Variants in POLR2B observed in about 807,000 individuals in gnomAD.
The protein encoded by POLR2B is DNA-directed RNA polymerase II subunit RPB2.
In POLR2B, 57 loss-of-function variants were observed where a neutral mutation model predicts 144.6. That is an observed-to-expected ratio of 0.39 (90% CI 0.32 to 0.49). The LOEUF (loss-of-function observed/expected upper bound fraction) is 0.49, where lower values mean the gene tolerates loss of function less well. POLR2B is among the 20% of genes least tolerant of loss of function. POLR2B has a pLI of 0.83. For synonymous variants in POLR2B, 442 were observed against 469.8 expected (o/e 0.94, Z 0.77); for missense variants, 595 against 1,467.4 (o/e 0.41, Z 9.71).
intron 13 of POLR2B, 133 bp downstream of exon 13, chr4:57,011,233 T>A (rs1395625470): frequency 6.0e-6 from 4 of 665,068 alleles, no homozygotes; most frequent in South Asian, 1.9e-5. Context: ...TAAATTTAAT[T>A]ATAAGTTATT....
chr4:56,983,161 CTCT>C lies in POLR2B; in HGVS notation c.20-3188_20-3186del, dbSNP rs1378250706. Among the ~76,000 whole-genome samples the C allele has an allele frequency of 4.6e-5, 7 of 152,192 alleles. No individual in the cohort carries two copies. In the East Asian group the frequency reaches 1.3e-3, roughly 29 times the overall value. On this transcript the variant is annotated intron_variant, in intron 1 of 24. Coordinates refer to ENST00000314595, the MANE Select transcript of POLR2B (RefSeq NM_000938.3). Reference sequence around the variant, plus strand: ...CTCATATCTCTTGGTAAAGGCCAAACTCTTCTTATTCCACTTCCAACTTCACAA... The same window carrying C: ...CTCATATCTCTTGGTAAAGGCCAAACTCTTATTCCACTTCCAACTTCACAA...
chr4:57,008,390 G>C (rs191472710), intron 10 of POLR2B, among the ~76,000 whole-genome samples: 38 of 152,268 alleles, frequency 2.5e-4, no homozygotes, highest in Non-Finnish European at 4.3e-4. Context: ...TTTTAGTAGA[G>C]ACGGGGTTTT....
At chr4:57,004,883 C>T (rs1375503670) in intron 7 of POLR2B, among the ~76,000 whole-genome samples, 1 of 152,114 alleles carries the variant, frequency 6.6e-6, no homozygotes, top group Non-Finnish European at 1.5e-5. Context: ...GGGGGTTTCG[C>T]CATGTTGCCT....
At chr4:56,979,381 A>G (rs1004297755) in intron 1 of POLR2B, among the ~76,000 whole-genome samples, 3 of 124,752 alleles carry the variant, frequency 2.4e-5, no homozygotes, top group Non-Finnish European at 4.7e-5. Context: ...TCAATTGTTG[A>G]GTGTCAGCCT....
At chr4:57,020,780 T>G (rs1718831) in intron 16 of POLR2B, 119 bp from the exon 17 acceptor site, 259,004 of 726,862 alleles carry the variant, frequency 0.36, 47,283 homozygotes, top group South Asian at 0.45. Flanking sequence ...GCAGTTACCA[T>G]GATAACAAAC....
chr4:56,980,836 G>C (rs1382604188), intron 1 of POLR2B, among the ~76,000 whole-genome samples: 3 of 147,086 alleles, frequency 2.0e-5, no homozygotes, highest in African/African-American at 7.5e-5. Context: ...TGATGGTCTT[G>C]CTCTGTTGCC....
intron 1 of POLR2B, among the ~76,000 whole-genome samples, chr4:56,985,702 A>G (rs1283654115): frequency 6.6e-6 from 1 of 152,070 alleles, no homozygotes; most frequent in Non-Finnish European, 1.5e-5. Flanking sequence ...CCTACTTTTT[A>G]ATGACAGCTC....
rs538941111 is a variant in POLR2B, at chr4:56,978,916, C to T, written c.-70C>T. ...AAGTTACTTCGTCTTTAGCTCCTGG[C>T]GCTGCTGGCTTCTGGGCGGTTTTTG... On this transcript the variant is annotated 5_prime_UTR_variant, in exon 1 of 25. Transcript: ENST00000314595. 2.8e-6 allele frequency: 4 copies of T among 1,445,066 alleles called. No individual in the cohort carries two copies. Among genetic ancestry groups the T allele is most frequent in the Admixed American group, 3.3e-5 (2 of 59,796 alleles). 89.5% of individuals were successfully genotyped at this position (1,445,066 alleles called of 1,614,324 possible).
chr4:57,029,751 A>G (rs921920421), intron 23 of POLR2B, among the ~76,000 whole-genome samples: 10 of 152,096 alleles, frequency 6.6e-5, no homozygotes, highest in South Asian at 4.2e-4. Context: ...TTTAGTATAG[A>G]GTTGAATTCT....
At chr4:56,990,107 C>A (rs1722466990) in intron 2 of POLR2B, among the ~76,000 whole-genome samples, 1 of 152,202 alleles carries the variant, frequency 6.6e-6, no homozygotes, top group South Asian at 2.1e-4. Flanking sequence ...TCACTACCCT[C>A]CGTCCTATTC....
intron 18 of POLR2B, 81 bp downstream of exon 18, chr4:57,022,327 C>T (rs1469432707): frequency 5.0e-6 from 4 of 806,488 alleles, no homozygotes; most frequent in Non-Finnish European, 8.4e-6. Flanking sequence ...TGGGTTGTGT[C>T]ACCCTGTGCC....
intron 16 of POLR2B, among the ~76,000 whole-genome samples, chr4:57,020,537 C>T (rs1052919252): frequency 6.6e-6 from 1 of 152,096 alleles, no homozygotes; most frequent in Non-Finnish European, 1.5e-5. Context: ...TAATTCACTC[C>T]TCTGATTCAT....
At chr4:57,013,485 C>G (rs1230262932) in intron 13 of POLR2B, among the ~76,000 whole-genome samples, 1 of 152,164 alleles carries the variant, frequency 6.6e-6, no homozygotes, top group Non-Finnish European at 1.5e-5. Context: ...TCAAGCAGTC[C>G]TTCCTGCCTT....
At chr4:56,984,074 AG>A (rs1722241714) in intron 1 of POLR2B, among the ~76,000 whole-genome samples, 1 of 151,582 alleles carries the variant, frequency 6.6e-6, no homozygotes, top group South Asian at 2.1e-4. Context: ...CATGTTGGCC[AG>A]GCTGGTCTCG....
At position 57,030,996 on chromosome 4, in the gene POLR2B, A is replaced by G; in HGVS notation, c.*8A>G. On this transcript the variant is annotated 3_prime_UTR_variant, in exon 25 of 25. Coordinates refer to ENST00000314595, the MANE Select transcript of POLR2B (RefSeq NM_000938.3). ...CGAATGATGAGTGTTTAGCTATTTT[A>G]CAGGAGTCAACAAGATAATTAAATA... 6.8e-7 allele frequency: 1 copy of G among 1,471,752 alleles called. No individual in the cohort carries two copies. Among genetic ancestry groups the G allele is most frequent in the Non-Finnish European group, 9.5e-7 (1 of 1,050,272 alleles). 91.2% of individuals were successfully genotyped at this position (1,471,752 alleles called of 1,614,324 possible).
chr4:57,016,029 G>A (rs2109701330), intron 14 of POLR2B, among the ~76,000 whole-genome samples: 1 of 152,300 alleles, frequency 6.6e-6, no homozygotes, highest in South Asian at 2.1e-4. Flanking sequence ...AGAGTGCTGG[G>A]ATTACAGGCA....
rs1278691735 is a variant in POLR2B at position 57,006,858 on chromosome 4, G to A, written c.1260G>A (p.Gln420=). 4 of 1,613,702 alleles carry A rather than the reference G, an allele frequency of 2.5e-6. No individual in the cohort carries two copies. The highest frequency in any genetic ancestry group is 3.4e-6 in the Non-Finnish European group (4 of 1,179,664). The change falls in exon 10 of 25, where the codon CAG becomes CAA. Residue 420 remains glutamine (Q), a synonymous_variant. Coordinates refer to ENST00000314595, the MANE Select transcript of POLR2B (RefSeq NM_000938.3). ...TTAAAGAAGTGCGGATCTATGCACA[G>A]AAATTTATTGATCGAGGAAAGGATT... ...NLLKEVRIYA[Q]KFIDRGKDFN...
intron 14 of POLR2B, 58 bp from the exon 15 acceptor site, chr4:57,016,982 TAGG>T: frequency 2.6e-6 from 2 of 765,502 alleles, no homozygotes; most frequent in Non-Finnish European, 4.0e-6. Context: ...TACTTTTAAG[TAGG>T]AGGAATAGTT....
chr4:57,021,767 T>A (rs1402635603), intron 17 of POLR2B, among the ~76,000 whole-genome samples: 3 of 152,190 alleles, frequency 2.0e-5, no homozygotes, highest in African/African-American at 7.2e-5. Flanking sequence ...CCCAAAGTGC[T>A]AGGATTACAG....
Sources: gnomAD v4.1 joint callset for allele counts (sites outside exome capture counted in the v4.1 genomes callset) on GRCh38, gnomAD v4.1.1 for gene constraint, MANE v1.5 for transcripts, NCBI Gene and HGNC (gene_info 2026-07-23, HGNC 2026-07-21) for gene names.